Variants in DOCK8 observed in about 807,000 individuals in gnomAD.
The protein encoded by DOCK8 is dedicator of cytokinesis 8.
Under a neutral mutation model 245.6 loss-of-function variants are expected in DOCK8, and 141 were observed. The observed-to-expected ratio is 0.57, with a 90% confidence interval of 0.50 to 0.66. The LOEUF is 0.66. Among genes scored for constraint, DOCK8 ranks in the 30% least tolerant of loss-of-function variants. DOCK8 has a pLI of 0.00. For missense variants in DOCK8, 2,965 were observed against 2,603.4 expected (o/e 1.14, Z -3.02); for synonymous variants, 1,168 against 970.2 (o/e 1.20, Z -3.79).
chr9:428,818 G>C (rs146426826), intron 35 of DOCK8, among the ~76,000 whole-genome samples: 194 of 152,294 alleles, frequency 1.3e-3, no homozygotes, highest in African/African-American at 4.1e-3. Context: ...TAATACCTCT[G>C]CTGAGTGAGA....
At chr9:365,692 C>T (rs548192473) in intron 14 of DOCK8, 12 of 441,856 alleles carry the variant, frequency 2.7e-5, no homozygotes, top group African/African-American at 2.5e-4. Context: ...TGCCAAAGGC[C>T]ATGCAGCTAA....
chr9:405,036 C>G lies in DOCK8; in HGVS notation c.3353C>G (p.Thr1118Ser), dbSNP rs1273750745. 2 of 1,613,794 alleles carry G rather than the reference C, an allele frequency of 1.2e-6. No homozygotes were observed. The highest frequency in any genetic ancestry group is 1.6e-4 in the Middle Eastern group (1 of 6,084). Residue 1118 changes from threonine (T) to serine (S), a missense_variant, in exon 27 of 48, where the codon ACT becomes AGT. Coordinates refer to ENST00000432829, the MANE Select transcript of DOCK8 (RefSeq NM_203447.4). ...NLNLFFMNADTAPTSPCPSIS... is the reference protein window; with the variant it reads ...NLNLFFMNADSAPTSPCPSIS... ...AACCTTTTTTTTATGAATGCTGATA[C>G]TGCTCCAACATCTCCTTGTCCTTCC...
At chr9:352,365 C>T (rs1227643155) in intron 14 of DOCK8, among the ~76,000 whole-genome samples, 3 of 152,128 alleles carry the variant, frequency 2.0e-5, no homozygotes, top group Non-Finnish European at 4.4e-5. Flanking sequence ...TTTATGCAAC[C>T]TCTAACGTTT....
chr9:312,609 A>G (rs576201657), intron 6 of DOCK8: 26 of 360,346 alleles, frequency 7.2e-5, no homozygotes, highest in South Asian at 5.1e-4. Context: ...AACCAGAGAG[A>G]CCTGCTTTGA....
intron 9 of DOCK8, among the ~76,000 whole-genome samples, chr9:330,202 T>A (rs1563928170): frequency 6.6e-6 from 1 of 152,088 alleles, no homozygotes; most frequent in East Asian, 1.9e-4. Flanking sequence ...TTTGTGAAAT[T>A]TTTTTTTAAA....
chr9:221,063 G>C lies in DOCK8; in HGVS notation c.53+6034G>C, dbSNP rs571594772. Among the ~76,000 whole-genome samples, 3 of 152,260 alleles carry C rather than the reference G, an allele frequency of 2.0e-5. No homozygotes were observed. In the East Asian group the frequency reaches 5.8e-4, roughly 29 times the overall value. Reference sequence around the variant, plus strand: ...TGGCACAGTAGTGGTACCATTTGCTGTATCGACAACAGTGGGGGTATAGAC... The same window carrying C: ...TGGCACAGTAGTGGTACCATTTGCTCTATCGACAACAGTGGGGGTATAGAC... On this transcript the variant is annotated intron_variant, in intron 1 of 47. Transcript: ENST00000432829.
At chr9:302,548 A>G (rs1217529945) in intron 4 of DOCK8, among the ~76,000 whole-genome samples, 9 of 152,220 alleles carry the variant, frequency 5.9e-5, no homozygotes, top group Non-Finnish European at 7.3e-5. Context: ...GAAACTATCA[A>G]CAGAGTAAAC....
intron 1 of DOCK8, among the ~76,000 whole-genome samples, chr9:259,450 A>G (rs553402286): frequency 6.6e-6 from 1 of 152,384 alleles, no homozygotes; most frequent in East Asian, 1.9e-4. Context: ...GCTTATACCC[A>G]TATAATAAGC....
intron 6 of DOCK8, chr9:314,166 A>G (rs146951463): frequency 6.6e-6 from 1 of 152,378 alleles, no homozygotes; most frequent in African/African-American, 2.4e-5. Context: ...AAATCCAAAT[A>G]TGATATTTTT....
At chr9:300,355 A>G (rs953958516) in intron 4 of DOCK8, among the ~76,000 whole-genome samples, 3 of 152,182 alleles carry the variant, frequency 2.0e-5, no homozygotes, top group African/African-American at 7.2e-5. Context: ...ATACCTTCCA[A>G]TATCACCTCA....
At position 399,272 on chromosome 9, in the gene DOCK8, C is replaced by G. The variant is rs962455610; in HGVS notation, c.3234+13C>G. The G allele has an allele frequency of 2.7e-6, 4 of 1,459,628 alleles. No homozygotes were observed. Among genetic ancestry groups the G allele is most frequent in the South Asian group, 1.2e-5 (1 of 86,396 alleles). The allele number at this position is 1,459,628 out of a possible 1,614,324, so 90.4% of individuals were successfully genotyped here. On this transcript the variant is annotated intron_variant, in intron 26 of 47. Coordinates refer to ENST00000432829, the MANE Select transcript of DOCK8 (RefSeq NM_203447.4). Reference sequence around the variant, plus strand: ...TTATTGCAGCCAGGTGAGTGTCCCCCCCACCCCCACCCCCGAGCGAGCCAC... The same window carrying G: ...TTATTGCAGCCAGGTGAGTGTCCCCGCCACCCCCACCCCCGAGCGAGCCAC...
At chr9:405,935 C>T (rs538202248) in intron 27 of DOCK8, among the ~76,000 whole-genome samples, 1 of 152,194 alleles carries the variant, frequency 6.6e-6, no homozygotes, top group Admixed American at 6.5e-5. Context: ...TAAAACTTCC[C>T]TGGACTAAGC....
chr9:344,345 T>G (rs768696585), intron 14 of DOCK8, among the ~76,000 whole-genome samples: 2 of 152,210 alleles, frequency 1.3e-5, no homozygotes, highest in Non-Finnish European at 2.9e-5. Context: ...GGAAGCATCT[T>G]GTCTAAATAT....
intron 24 of DOCK8, among the ~76,000 whole-genome samples, chr9:391,400 C>G (rs1371288675): frequency 6.6e-6 from 1 of 152,070 alleles, no homozygotes; most frequent in Non-Finnish European, 1.5e-5. Flanking sequence ...CATCTCTAGC[C>G]TCAGCACACT....
chr9:215,016 C>T lies in DOCK8; in HGVS notation c.40C>T (p.Leu14Phe), dbSNP rs1273096402. 5.0e-6 allele frequency: 8 copies of T among 1,591,290 alleles called. No homozygotes were observed. In the Admixed American group the frequency reaches 1.2e-4, roughly 24 times the overall value. ...GAGCGCAGAGCGCCGCGCGTTCGCGCTCAAGATCAACAGGTAAGACGCCCC... is the reference window on the plus strand; with the variant it reads ...GAGCGCAGAGCGCCGCGCGTTCGCGTTCAAGATCAACAGGTAAGACGCCCC... ...LPSAERRAFA[L>F]KINRYSSAEI... Residue 14 changes from leucine (L) to phenylalanine (F), a missense_variant, in exon 1 of 48, where the codon CTC (leucine) becomes TTC (phenylalanine). Transcript: ENST00000432829.
rs537339686 is a variant in DOCK8 at position 439,313 on chromosome 9, G to T, written c.5148G>T (p.Gly1716=). The T allele has an allele frequency of 6.2e-7, 1 of 1,614,200 alleles. No homozygotes were observed. Among genetic ancestry groups the T allele is most frequent in the South Asian group, 1.1e-5 (1 of 91,084 alleles). Residue 1716 remains glycine (G), a synonymous_variant, in exon 40 of 48, where the codon GGG becomes GGT. Coordinates refer to ENST00000432829, the MANE Select transcript of DOCK8 (RefSeq NM_203447.4). ...SEDTLSPDED[G]VCAGQYFTES... is the part of the protein sequence containing the mutation. ...ACACCCTGTCACCTGACGAGGATGG[G>T]GTGTGCGCAGGCCAGTACTTCACCG...
chr9:248,472 CCCT>C (rs1317406111), intron 1 of DOCK8, among the ~76,000 whole-genome samples: 2 of 151,276 alleles, frequency 1.3e-5, no homozygotes, highest in African/African-American at 4.9e-5. Flanking sequence ...CTTCCTCCCT[CCCT>C]CCTCTCTCCT....
chr9:311,718 G>T (rs1268004148), intron 5 of DOCK8, among the ~76,000 whole-genome samples: 3 of 152,176 alleles, frequency 2.0e-5, no homozygotes, highest in Non-Finnish European at 4.4e-5. Context: ...TGGTTTGTCT[G>T]CATAAGATGA....
intron 2 of DOCK8, among the ~76,000 whole-genome samples, chr9:276,457 G>A (rs1217849332): frequency 1.4e-5 from 2 of 145,904 alleles, no homozygotes; most frequent in Non-Finnish European, 3.1e-5. Flanking sequence ...CAGGTCTGAT[G>A]ACTATGTGTA....
Sources: allele counts gnomAD v4.1 joint callset (sites outside exome capture counted in the v4.1 genomes callset), GRCh38; gene constraint gnomAD v4.1.1; transcripts MANE v1.5; gene names NCBI Gene and HGNC (gene_info 2026-07-23, HGNC 2026-07-21).